KIF21A: variants seen among roughly 807,000 people sequenced by gnomAD.
KIF21A encodes the protein kinesin family member 21A.
Under a neutral mutation model 202.9 loss-of-function variants are expected in KIF21A, and 114 were observed. The ratio of observed to expected loss-of-function variants is 0.56; its 90% CI spans 0.48 to 0.66. The LOEUF is 0.66. Among genes scored for constraint, KIF21A ranks in the 30% least tolerant of loss-of-function variants. The probability of loss-of-function intolerance (pLI) is 0.00; values close to 1 mark genes in which losing one functional copy is unlikely to be tolerated. For synonymous variants in KIF21A, 667 were observed against 670.8 expected (o/e 0.99, Z 0.09); for missense variants, 1,677 against 1,994.9 (o/e 0.84, Z 3.04).
intron 36 of KIF21A, among the ~76,000 whole-genome samples, chr12:39,302,098 A>ATAT (rs1244288517): frequency 6.6e-6 from 1 of 152,194 alleles, no homozygotes; most frequent in African/African-American, 2.4e-5. Flanking sequence ...AATAGAGAAT[A>ATAT]TAGAGGCCTG....
intron 37 of KIF21A, among the ~76,000 whole-genome samples, chr12:39,294,963 T>C (rs1165808837): frequency 6.6e-6 from 1 of 152,176 alleles, no homozygotes; most frequent in Non-Finnish European, 1.5e-5. Context: ...GTCAGAAGGC[T>C]TCAGTCAAAA....
At chr12:39,339,997 G>A (rs922949073) in intron 16 of KIF21A, among the ~76,000 whole-genome samples, 168 bp downstream of exon 16, 9 of 152,056 alleles carry the variant, frequency 5.9e-5, no homozygotes, top group Admixed American at 3.9e-4. Flanking sequence ...GCTTGGATGA[G>A]GAATGACTAT....
intron 37 of KIF21A, among the ~76,000 whole-genome samples, chr12:39,299,060 G>C (rs1942699327): frequency 6.6e-6 from 1 of 152,062 alleles, no homozygotes; most frequent in South Asian, 2.1e-4. Flanking sequence ...ATTTTCCTGT[G>C]ATTTTGAAAA....
At chr12:39,311,222 C>A (rs1435528549) in intron 32 of KIF21A, among the ~76,000 whole-genome samples, 195 bp downstream of exon 32, 1 of 151,928 alleles carries the variant, frequency 6.6e-6, no homozygotes, top group Admixed American at 6.6e-5. Context: ...CCATTGTATT[C>A]ACAAAACATC....
At chr12:39,329,564 A>C (rs1946316673) in intron 24 of KIF21A, among the ~76,000 whole-genome samples, 1 of 151,976 alleles carries the variant, frequency 6.6e-6, no homozygotes, top group Non-Finnish European at 1.5e-5. Context: ...GAAGAGGAAG[A>C]GGGAAAGAAG....
intron 1 of KIF21A, among the ~76,000 whole-genome samples, chr12:39,386,420 AG>A (rs1950953836): frequency 6.6e-6 from 1 of 152,208 alleles, no homozygotes; most frequent in Non-Finnish European, 1.5e-5. Context: ...GTAATGTGGA[AG>A]AAATGTAAAC....
intron 37 of KIF21A, among the ~76,000 whole-genome samples, chr12:39,294,961 G>A (rs1309650980): frequency 6.6e-6 from 1 of 152,168 alleles, no homozygotes; most frequent in East Asian, 1.9e-4. Flanking sequence ...GTGTCAGAAG[G>A]CTTCAGTCAA....
At chr12:39,427,865 G>A (rs1954888757) in intron 1 of KIF21A, among the ~76,000 whole-genome samples, 1 of 152,108 alleles carries the variant, frequency 6.6e-6, no homozygotes, top group African/African-American at 2.4e-5. Flanking sequence ...CACCATGTTG[G>A]CCAGGCTGAT....
rs148991822 is a variant in KIF21A, at chr12:39,354,822, G to A, written c.1469+2010C>T. Among the ~76,000 whole-genome samples, 933 of 152,140 alleles carry A rather than the reference G, an allele frequency of 6.1e-3. 15 individuals carry two copies. Among genetic ancestry groups the A allele is most frequent in the African/African-American group, 0.021 (877 of 41,510 alleles). On this transcript the variant is annotated intron_variant, in intron 10 of 37. Transcript: ENST00000361418. ...TTATGATACCTTTATATTTAAGAAC[G>A]TATATATACTATTATTTTATTTGAG...
chr12:39,313,392 A>G (rs1034468636), intron 31 of KIF21A, among the ~76,000 whole-genome samples: 3 of 152,020 alleles, frequency 2.0e-5, no homozygotes, highest in South Asian at 2.1e-4. Flanking sequence ...TCATGGGGAA[A>G]GTTTTTTGTA....
At chr12:39,380,674 T>C (rs576045197) in intron 1 of KIF21A, among the ~76,000 whole-genome samples, 2 of 151,788 alleles carry the variant, frequency 1.3e-5, no homozygotes, top group African/African-American at 4.8e-5. Context: ...TTGGGCAACA[T>C]ACTGAGATTC....
chr12:39,439,226 G>A (rs1423344825), intron 1 of KIF21A, among the ~76,000 whole-genome samples: 1 of 152,064 alleles, frequency 6.6e-6, no homozygotes, highest in East Asian at 1.9e-4. Flanking sequence ...GTCCATGATG[G>A]GGTGTCTGTG....
rs1949713428 is a variant in KIF21A, at chr12:39,368,028, T to C, written c.455A>G (p.Tyr152Cys). ...FKVNAQFLEL[Y>C]NEEVLDLFDT... is the part of the protein sequence containing the mutation. Reference sequence around the variant, plus strand: ...AAATAAGTCAAGGACCTCTTCATTATAGAGCTATCAAAAAAATATTAGAAA... The same window carrying C: ...AAATAAGTCAAGGACCTCTTCATTACAGAGCTATCAAAAAAATATTAGAAA... The change falls in exon 4 of 38, where the codon TAT becomes TGT. Residue 152 changes from tyrosine to cysteine, a missense_variant. Tyr to Cys is a radical substitution (Grantham distance 194, BLOSUM62 -2). Around this residue, in one of 3 missense-constraint regions of KIF21A, gnomAD observed 966 missense variants for 1,180.9 expected, o/e 0.82. Coordinates refer to ENST00000361418, the MANE Select transcript of KIF21A (RefSeq NM_001173464.2). The C allele has an allele frequency of 2.5e-6, 4 of 1,579,104 alleles. No homozygotes were observed. The highest frequency in any genetic ancestry group is 3.4e-5 in the Admixed American group (2 of 59,700).
intron 1 of KIF21A, among the ~76,000 whole-genome samples, chr12:39,386,808 G>C (rs1324201537): frequency 6.6e-6 from 1 of 152,110 alleles, no homozygotes; most frequent in East Asian, 1.9e-4. Context: ...GGGCTTTATA[G>C]GGTTTAAAAG....
chr12:39,325,367 C>T lies in KIF21A; in HGVS notation c.3456+472G>A, dbSNP rs1350715104. 6.0e-5 allele frequency among the ~76,000 whole-genome samples: 9 copies of T among 150,742 alleles called. No homozygotes were observed. The East Asian group carries it at 7.8e-4, about 13-fold the overall frequency. On this transcript the variant is annotated intron_variant, in intron 26 of 37. Coordinates refer to ENST00000361418, the MANE Select transcript of KIF21A (RefSeq NM_001173464.2). Reference sequence around the variant, plus strand: ...TTTTTTTTGAGACGGAGTCTCGCTCCGTCGCCCAGGCTGGAGTGCAGTTGC... The same window carrying T: ...TTTTTTTTGAGACGGAGTCTCGCTCTGTCGCCCAGGCTGGAGTGCAGTTGC...
At chr12:39,365,434 T>C (rs771217643) in intron 6 of KIF21A, among the ~76,000 whole-genome samples, 17 of 152,246 alleles carry the variant, frequency 1.1e-4, no homozygotes, top group Admixed American at 3.3e-4. Context: ...TCCAGTTTTG[T>C]AATGAAGATA....
At chr12:39,418,837 T>C (rs892104449) in intron 1 of KIF21A, among the ~76,000 whole-genome samples, 4 of 152,362 alleles carry the variant, frequency 2.6e-5, no homozygotes, top group East Asian at 1.9e-4. Context: ...ATTGGCTTAA[T>C]TGCCCTTTGT....
chr12:39,436,515 G>T (rs1285404670), intron 1 of KIF21A, among the ~76,000 whole-genome samples: 1 of 141,434 alleles, frequency 7.1e-6, no homozygotes, highest in Admixed American at 7.2e-5. Flanking sequence ...TCACAGGAGT[G>T]ATCACAGCAC....
chr12:39,409,812 T>C (rs1952932004), intron 1 of KIF21A, among the ~76,000 whole-genome samples: 1 of 150,204 alleles, frequency 6.7e-6, no homozygotes, highest in Admixed American at 6.6e-5. Flanking sequence ...AATCTGGAAA[T>C]AGAGAAAAAT....
Sources: gnomAD v4.1 joint callset for allele counts (sites outside exome capture counted in the v4.1 genomes callset) on GRCh38, gnomAD v4.1.1 for gene constraint, gnomAD v4.1.1 regional missense constraint, MANE v1.5 for transcripts, NCBI Gene and HGNC (gene_info 2026-07-23, HGNC 2026-07-21) for gene names.